JAZF1: variants seen among roughly 807,000 people sequenced by gnomAD.
JAZF1 encodes juxtaposed with another zinc finger protein 1.
A neutral mutation model predicts 26.4 loss-of-function variants in JAZF1; 8 were observed. The ratio of observed to expected loss-of-function variants is 0.30; its 90% confidence interval spans 0.18 to 0.55. The LOEUF (loss-of-function observed/expected upper bound fraction) is 0.55, where lower values mean the gene tolerates loss of function less well. Ranked by LOEUF, JAZF1 falls within the 20% of genes least tolerant of loss-of-function variation. The probability of loss-of-function intolerance (pLI) is 0.94; values close to 1 mark genes in which losing one functional copy is unlikely to be tolerated. For missense variants in JAZF1, 199 were observed against 322.0 expected, an observed-to-expected ratio of 0.62 and a Z score of 2.92; for synonymous variants, 126 against 122.3, an observed-to-expected ratio of 1.03 and a Z score of -0.20.
At chr7:27,878,115 G>T (rs1209006498) in intron 3 of JAZF1, among the ~76,000 whole-genome samples, 2 of 152,184 alleles carry the variant, frequency 1.3e-5, no homozygotes, top group Non-Finnish European at 2.9e-5. Context: ...GGGGTCTCAG[G>T]AGTGAACTAC....
chr7:27,834,225 G>A (rs1230458113), intron 4 of JAZF1, among the ~76,000 whole-genome samples: 3 of 152,186 alleles, frequency 2.0e-5, no homozygotes, highest in East Asian at 3.8e-4. Flanking sequence ...CTAAGTCTTT[G>A]TGAGTGAATG....
At chr7:28,105,760 G>T (rs963610452) in intron 1 of JAZF1, among the ~76,000 whole-genome samples, 1 of 152,170 alleles carries the variant, frequency 6.6e-6, no homozygotes, top group Admixed American at 6.5e-5. Context: ...TACCACAGAC[G>T]CAAGAGGAAG....
chr7:27,848,345 T>C (rs1783067893), intron 3 of JAZF1, among the ~76,000 whole-genome samples: 1 of 152,226 alleles, frequency 6.6e-6, no homozygotes, highest in African/African-American at 2.4e-5. Context: ...CTTTTTCAGC[T>C]AGGTTGTTAT....
intron 2 of JAZF1, among the ~76,000 whole-genome samples, chr7:27,985,949 T>C (rs1443211278): frequency 2.0e-5 from 3 of 152,156 alleles, no homozygotes; most frequent in Non-Finnish European, 4.4e-5. Flanking sequence ...TGATGGGACA[T>C]ATCTGACATA....
chr7:28,133,382 T>C (rs1782830401), intron 1 of JAZF1, among the ~76,000 whole-genome samples: 1 of 151,950 alleles, frequency 6.6e-6, no homozygotes, highest in South Asian at 2.1e-4. Context: ...GGAAAGAAAA[T>C]CCAAGAATCA....
intron 1 of JAZF1, among the ~76,000 whole-genome samples, chr7:28,110,508 GGAAA>G (rs1562590931): frequency 2.3e-5 from 2 of 87,912 alleles, no homozygotes; most frequent in Admixed American, 1.3e-4. Flanking sequence ...GAAAGGAAAA[GGAAA>G]GGAAAAGGAA....
intron 3 of JAZF1, among the ~76,000 whole-genome samples, chr7:27,881,419 A>G (rs542023830): frequency 1.3e-5 from 2 of 152,354 alleles, no homozygotes; most frequent in Admixed American, 6.5e-5. Flanking sequence ...TATTACAGAA[A>G]CCAAGTGGCT....
At chr7:28,160,713 G>A (rs1364767114) in intron 1 of JAZF1, among the ~76,000 whole-genome samples, 2 of 152,090 alleles carry the variant, frequency 1.3e-5, no homozygotes, top group African/African-American at 2.4e-5. Context: ...TATATTTATC[G>A]AAACAGCTCC....
intron 2 of JAZF1, among the ~76,000 whole-genome samples, chr7:27,947,131 A>C (rs1230637099): frequency 3.3e-5 from 5 of 152,190 alleles, no homozygotes; most frequent in Non-Finnish European, 4.4e-5. Flanking sequence ...TGAGGTGAAA[A>C]TATAAAGCCT....
intron 2 of JAZF1, among the ~76,000 whole-genome samples, chr7:27,928,792 C>T (rs927002345): frequency 1.3e-5 from 2 of 151,914 alleles, no homozygotes; most frequent in African/African-American, 2.4e-5. Flanking sequence ...TGTCAGAGGG[C>T]GGAGGGTGGA....
chr7:28,148,964 T>G (rs1029850877), intron 1 of JAZF1, among the ~76,000 whole-genome samples: 1 of 152,216 alleles, frequency 6.6e-6, no homozygotes, highest in African/African-American at 2.4e-5. Context: ...TCTACTTACG[T>G]TGGCTTTACT....
intron 1 of JAZF1, among the ~76,000 whole-genome samples, chr7:28,115,306 T>G (rs551076896): frequency 6.6e-6 from 1 of 152,244 alleles, no homozygotes. Flanking sequence ...ACTACTATCT[T>G]TCACCATGTA....
At position 28,000,622 on chromosome 7, in the gene JAZF1, C is replaced by CTTTT. The variant is rs1190147547; in HGVS notation, c.116-8645_116-8642dup. Among the ~76,000 whole-genome samples the CTTTT allele has an allele frequency of 1.3e-3, 79 of 62,054 alleles. 2 individuals carry two copies. Among genetic ancestry groups the CTTTT allele is most frequent in the African/African-American group, 2.6e-3 (64 of 24,504 alleles). 40.7% of individuals were successfully genotyped at this position (62,054 alleles called of 152,430 possible). On this transcript the variant is annotated intron_variant, in intron 1 of 4. Transcript: ENST00000283928. Reference sequence around the variant, plus strand: ...TTTTTCTTTCTTTCTTTCTTTCTTTCTTTTTTTTTTTTTTTTTTGAGACAA... The same window carrying CTTTT: ...TTTTTCTTTCTTTCTTTCTTTCTTTCTTTTTTTTTTTTTTTTTTTTTTGAGACAA...
chr7:27,992,647 C>CT (rs1296875421), intron 1 of JAZF1, among the ~76,000 whole-genome samples: 1 of 152,084 alleles, frequency 6.6e-6, no homozygotes, highest in Admixed American at 6.6e-5. Flanking sequence ...CAAAAAGGTA[C>CT]TTTTTTCATA....
chr7:28,053,817 T>C (rs928444251), intron 1 of JAZF1, among the ~76,000 whole-genome samples: 4 of 152,182 alleles, frequency 2.6e-5, no homozygotes, highest in Non-Finnish European at 5.9e-5. Context: ...AATCCACTCA[T>C]ACTGAGAAGA....
At chr7:28,088,521 A>G (rs2127920137) in intron 1 of JAZF1, among the ~76,000 whole-genome samples, 1 of 152,342 alleles carries the variant, frequency 6.6e-6, no homozygotes, top group African/African-American at 2.4e-5. Context: ...AACCTCAGTA[A>G]GTCCCAATTT....
intron 1 of JAZF1, among the ~76,000 whole-genome samples, chr7:28,037,978 G>A (rs548614221): frequency 2.4e-4 from 36 of 152,176 alleles, no homozygotes; most frequent in Non-Finnish European, 3.8e-4. Context: ...AATGGGCAGA[G>A]AGATTTTGGA....
At chr7:27,876,401 A>T (rs962005173) in intron 3 of JAZF1, among the ~76,000 whole-genome samples, 2 of 152,138 alleles carry the variant, frequency 1.3e-5, no homozygotes, top group African/African-American at 4.8e-5. Context: ...AGAGCATCTG[A>T]TAGGACCTCG....
chr7:28,084,067 AAC>A (rs1414367361), intron 1 of JAZF1, among the ~76,000 whole-genome samples: 2 of 152,146 alleles, frequency 1.3e-5, no homozygotes, highest in Admixed American at 1.3e-4. Flanking sequence ...AGGCATTACA[AAC>A]AATACTGAAA....
Sources: allele counts gnomAD v4.1 joint callset (sites outside exome capture counted in the v4.1 genomes callset), GRCh38; gene constraint gnomAD v4.1.1; transcripts MANE v1.5; gene names NCBI Gene and HGNC (gene_info 2026-07-23, HGNC 2026-07-21).